MECR: variants seen among roughly 807,000 people sequenced by gnomAD.
MECR encodes the protein mitochondrial trans-2-enoyl-CoA reductase, also known as enoyl-[acyl-carrier-protein] reductase, mitochondrial.
In MECR, 37 loss-of-function variants were observed where a neutral mutation model predicts 49.1. That is an observed-to-expected ratio of 0.75 (90% CI 0.58 to 0.99). The LOEUF is 0.99. Ranked by LOEUF, MECR falls within the 50% of genes least tolerant of loss-of-function variation. The pLI is 0.00. For missense variants in MECR, 470 were observed against 479.6 expected (o/e 0.98, Z 0.19); for synonymous variants, 198 against 191.1 (o/e 1.04, Z -0.30).
At chr1:29,183,686 A>T in the MECR span, among the ~76,000 whole-genome samples, 26 of 152,248 alleles carry the variant, frequency 1.7e-4, no homozygotes, top group African/African-American at 5.1e-4. Flanking sequence ...TCTTATTCAT[A>T]GGTGCTCACT....
the MECR span, among the ~76,000 whole-genome samples, chr1:29,182,281 T>TA: frequency 6.6e-6 from 1 of 152,190 alleles, no homozygotes; most frequent in Admixed American, 6.5e-5. Flanking sequence ...TTGGGCTTGT[T>TA]ACGCGCGATG....
the MECR span, among the ~76,000 whole-genome samples, chr1:29,167,726 AC>A: frequency 1.4e-4 from 21 of 152,158 alleles, no homozygotes; most frequent in Non-Finnish European, 2.4e-4. Context: ...CTTTGTGCTT[AC>A]CTTCTCTTTT....
the MECR span, among the ~76,000 whole-genome samples, chr1:29,178,946 CT>C: frequency 6.6e-6 from 1 of 152,150 alleles, no homozygotes; most frequent in Admixed American, 6.6e-5. Flanking sequence ...TCATACCTGT[CT>C]TTGAAACTCT....
chr1:29,170,332 A>G, the MECR span: 1 of 152,236 alleles, frequency 6.6e-6, no homozygotes, highest in Non-Finnish European at 1.5e-5. Flanking sequence ...TTTATCTGTT[A>G]TTCCTACTTA....
At chr1:29,197,256 C>T (rs551346680) in intron 7 of MECR, among the ~76,000 whole-genome samples, 1 of 152,156 alleles carries the variant, frequency 6.6e-6, no homozygotes, top group African/African-American at 2.4e-5. Context: ...TACAGGTGTC[C>T]GACCTAGGGT....
At chr1:29,228,833 C>T (rs971686176) in intron 1 of MECR, 20 of 152,112 alleles carry the variant, frequency 1.3e-4, no homozygotes, top group African/African-American at 4.8e-4. Context: ...AAAAGGTTCA[C>T]TTTTTTTGGA....
At chr1:29,185,942 T>G in the MECR span, among the ~76,000 whole-genome samples, 1 of 152,152 alleles carries the variant, frequency 6.6e-6, no homozygotes, top group Non-Finnish European at 1.5e-5. Context: ...TCTGTGATCA[T>G]GCCACTGTCC....
At position 29,201,763 on chromosome 1, in the gene MECR, G is replaced by A. The variant is rs1359545382; in HGVS notation, c.756+180C>T. Among the ~76,000 whole-genome samples the A allele has an allele frequency of 6.6e-6, 1 of 152,138 alleles. No homozygotes were observed. The highest frequency in any genetic ancestry group is 2.4e-5 in the African/African-American group (1 of 41,436). On this transcript the variant is annotated intron_variant, in intron 6 of 9. Coordinates refer to ENST00000263702, the MANE Select transcript of MECR (RefSeq NM_016011.5). This position sits in a 1 kb window ranked among gnomAD's most constrained non-coding sequence, Gnocchi z 4.3. The stretch of plus-strand genomic sequence containing the variant: ...TCTCATGCCTCCCTCCCAGCATCTG[G>A]GCACTTAATGCGTGCTGCCTGCCGC...
rs1041097236 is a variant in MECR at position 29,220,825 on chromosome 1, T to C, written c.177-4140A>G. 6.0e-5 allele frequency: 45 copies of C among 755,178 alleles called. No homozygotes were observed. In the African/African-American group the frequency reaches 8.2e-4, roughly 14 times the overall value. 46.8% of individuals were successfully genotyped at this position (755,178 alleles called of 1,614,324 possible). ...TGAGTTAATGTATGTAAAGCATTTATGGTAGTACCTACACAGTAGATGCTG... is the reference window on the plus strand; with the variant it reads ...TGAGTTAATGTATGTAAAGCATTTACGGTAGTACCTACACAGTAGATGCTG... On this transcript the variant is annotated intron_variant, in intron 1 of 9. Transcript: ENST00000263702.
chr1:29,194,300 G>A, intron 9 of MECR, 121 bp from the exon 10 acceptor site: 2 of 1,151,910 alleles, frequency 1.7e-6, no homozygotes, highest in Non-Finnish European at 2.4e-6. Context: ...TGAGAGTCCT[G>A]GCTGTGCCAA....
At chr1:29,205,243 G>A (rs369875730) in intron 4 of MECR, among the ~76,000 whole-genome samples, 6 of 152,088 alleles carry the variant, frequency 3.9e-5, no homozygotes, top group African/African-American at 1.2e-4. Context: ...GGAGTGCGGT[G>A]GTGCAATCTT....
rs950162534 is a variant in MECR, at chr1:29,201,204, T to C, written c.757-615A>G. ...CAAAGGGCATCTGCATGCAGTTTGG[T>C]GGGTTTCAGCTCCCTGTGTGCCCCC... On this transcript the variant is annotated intron_variant, in intron 6 of 9. Coordinates refer to ENST00000263702, the MANE Select transcript of MECR (RefSeq NM_016011.5). This position sits in a 1 kb window ranked among gnomAD's most constrained non-coding sequence, Gnocchi z 4.3. 6.6e-6 allele frequency among the ~76,000 whole-genome samples: 1 copy of C among 152,212 alleles called. No homozygotes were observed. Among genetic ancestry groups the C allele is most frequent in the Non-Finnish European group, 1.5e-5 (1 of 68,046 alleles).
chr1:29,183,404 T>A, the MECR span, among the ~76,000 whole-genome samples: 1 of 151,480 alleles, frequency 6.6e-6, no homozygotes, highest in South Asian at 2.1e-4. Flanking sequence ...TTTCTCTCTC[T>A]CTCTATATAT....
the MECR span, among the ~76,000 whole-genome samples, chr1:29,174,678 T>A: frequency 6.8e-6 from 1 of 147,878 alleles, no homozygotes; most frequent in Non-Finnish European, 1.5e-5. Context: ...GAGATAGGTT[T>A]TTTTTTTTTT....
intron 3 of MECR, among the ~76,000 whole-genome samples, chr1:29,210,063 T>A (rs1207853651): frequency 6.7e-6 from 1 of 149,886 alleles, no homozygotes; most frequent in Non-Finnish European, 1.5e-5. Context: ...CAGGCTGGAG[T>A]GCAGTGGCAC....
downstream of MECR, among the ~76,000 whole-genome samples, chr1:29,190,563 G>T (rs919355817): frequency 6.6e-6 from 1 of 152,058 alleles, no homozygotes; most frequent in African/African-American, 2.4e-5. Flanking sequence ...GGAGGCAGAG[G>T]CCAGCGGATC....
the MECR span, among the ~76,000 whole-genome samples, chr1:29,184,048 T>TTTTTGTA: frequency 6.6e-6 from 1 of 151,324 alleles, no homozygotes; most frequent in African/African-American, 2.4e-5. Context: ...CCGGCTAATT[T>TTTTTGTA]TTTTGTATTT....
intron 7 of MECR, among the ~76,000 whole-genome samples, chr1:29,199,582 C>T (rs1201198394): frequency 6.6e-6 from 1 of 151,818 alleles, no homozygotes; most frequent in Non-Finnish European, 1.5e-5. Flanking sequence ...ATATTGTCAA[C>T]AGGGCTTATC....
chr1:29,208,545 C>T lies in MECR; in HGVS notation c.407-1640G>A, dbSNP rs564563547. 9.8e-5 allele frequency among the ~76,000 whole-genome samples: 15 copies of T among 152,358 alleles called. No individual in the cohort carries two copies. In the South Asian group the frequency reaches 2.9e-3, roughly 29 times the overall value. On this transcript the variant is annotated intron_variant, in intron 3 of 9. Transcript: ENST00000263702. ...GAGCATCAACTCCCAGCCCACATTC[C>T]AGTTCCAGACAAAAGAATTCTAGAA...
Sources: gnomAD v4.1 joint callset for allele counts (sites outside exome capture counted in the v4.1 genomes callset) on GRCh38, gnomAD v4.1.1 for gene constraint, Gnocchi (gnomAD v3.1) non-coding constraint, MANE v1.5 for transcripts, NCBI Gene and HGNC (gene_info 2026-07-23, HGNC 2026-07-21) for gene names.